Variants in PTPRD observed in about 807,000 individuals in gnomAD.
PTPRD encodes receptor-type tyrosine-protein phosphatase delta.
Under a neutral mutation model 214.5 loss-of-function variants are expected in PTPRD, and 34 were observed. The observed-to-expected ratio is 0.16, with a 90% CI of 0.12 to 0.21. PTPRD has a LOEUF of 0.21. Ranked by LOEUF, PTPRD falls within the 10% of genes least tolerant of loss-of-function variation. The pLI is 1.00. For missense variants in PTPRD, 2,545 were observed against 2,398.7 expected (o/e 1.06, Z -1.27); for synonymous variants, 1,128 against 845.7 (o/e 1.33, Z -5.79).
intron 14 of PTPRD, among the ~76,000 whole-genome samples, chr9:8,543,557 G>C (rs1166535475): frequency 6.6e-6 from 1 of 152,094 alleles, no homozygotes; most frequent in African/African-American, 2.4e-5. Context: ...TGTTAATAAA[G>C]ATAAAATACT....
At chr9:9,469,864 G>T (rs577043361) in intron 8 of PTPRD, among the ~76,000 whole-genome samples, 9 of 152,224 alleles carry the variant, frequency 5.9e-5, no homozygotes, top group Admixed American at 3.9e-4. Flanking sequence ...GTCCAATGAG[G>T]GGTCAGAATA....
chr9:10,135,250 A>C (rs922610316), intron 3 of PTPRD, among the ~76,000 whole-genome samples: 9 of 152,168 alleles, frequency 5.9e-5, no homozygotes, highest in African/African-American at 2.2e-4. Flanking sequence ...AACCTAAGAC[A>C]AACTGGCATT....
rs1441689727 is a variant in PTPRD at position 8,493,028 on chromosome 9, C to T, written c.2350-49G>A. The T allele has an allele frequency of 2.7e-6, 4 of 1,480,090 alleles. 1 individual carries two copies. The highest frequency in any genetic ancestry group is 3.8e-4 in the Middle Eastern group (2 of 5,316). 91.7% of individuals were successfully genotyped at this position (1,480,090 alleles called of 1,614,324 possible). ...ACTGATTCAAAACATGCTACTAATG[C>T]TCTGGGGGAAAAACAAGGCCGTCTG... is the stretch of plus-strand genomic sequence containing the variant. On this transcript the variant is annotated intron_variant, in intron 26 of 45. Transcript: ENST00000381196.
intron 11 of PTPRD, among the ~76,000 whole-genome samples, chr9:8,801,616 T>G (rs2096572804): frequency 6.6e-6 from 1 of 152,180 alleles, no homozygotes; most frequent in African/African-American, 2.4e-5. Flanking sequence ...CTCAGGAGGC[T>G]GAGTCAGGAG....
chr9:9,957,165 T>C (rs1189416805), intron 4 of PTPRD, among the ~76,000 whole-genome samples: 1 of 152,166 alleles, frequency 6.6e-6, no homozygotes, highest in Non-Finnish European at 1.5e-5. Context: ...TATATGTATG[T>C]ATATATAAAC....
At chr9:8,615,750 A>C (rs1169713787) in intron 14 of PTPRD, among the ~76,000 whole-genome samples, 1 of 152,086 alleles carries the variant, frequency 6.6e-6, no homozygotes, top group African/African-American at 2.4e-5. Flanking sequence ...AAAAGAAAAA[A>C]AAATTTTGAG....
chr9:8,902,092 G>A (rs1041590542), intron 11 of PTPRD, among the ~76,000 whole-genome samples: 1 of 151,932 alleles, frequency 6.6e-6, no homozygotes, highest in Non-Finnish European at 1.5e-5. Flanking sequence ...TTATTTATGA[G>A]TCTATTACTG....
In PTPRD at chr9:8,619,222, T is replaced by C. The variant is rs2095728045; in HGVS notation, c.352+14095A>G. Among the ~76,000 whole-genome samples the C allele has an allele frequency of 2.0e-5, 3 of 152,212 alleles. No individual in the cohort carries two copies. The South Asian group carries it at 6.2e-4, about 32-fold the overall frequency. Reference sequence around the variant, plus strand: ...TGTGTTTGAGAATACTTTGTACCCATTCTCTTAGCATCTTTCAAGAATACA... The same window carrying C: ...TGTGTTTGAGAATACTTTGTACCCACTCTCTTAGCATCTTTCAAGAATACA... On this transcript the variant is annotated intron_variant, in intron 14 of 45. Coordinates refer to ENST00000381196, the MANE Select transcript of PTPRD (RefSeq NM_002839.4).
intron 10 of PTPRD, among the ~76,000 whole-genome samples, chr9:9,073,481 C>A (rs533199939): frequency 6.6e-6 from 1 of 151,686 alleles, no homozygotes; most frequent in African/African-American, 2.4e-5. Context: ...TTTTCAGTTG[C>A]GATTAACATT....
At chr9:8,997,595 C>T (rs1055031167) in intron 11 of PTPRD, among the ~76,000 whole-genome samples, 3 of 151,964 alleles carry the variant, frequency 2.0e-5, no homozygotes, top group South Asian at 2.1e-4. Flanking sequence ...CCTCCCTGTT[C>T]GCTGAAACAC....
chr9:9,236,855 G>A (rs559246345), intron 9 of PTPRD, among the ~76,000 whole-genome samples: 228 of 152,100 alleles, frequency 1.5e-3, no homozygotes, highest in African/African-American at 5.2e-3. Flanking sequence ...ATTGACTACC[G>A]CCAGCTCTCA....
At chr9:9,783,858 A>G (rs1393570367) in intron 5 of PTPRD, among the ~76,000 whole-genome samples, 3 of 149,904 alleles carry the variant, frequency 2.0e-5, no homozygotes, top group African/African-American at 7.4e-5. Context: ...GGTTTGCTCA[A>G]GAGTAAAATG....
chr9:9,951,561 T>C (rs563797756), intron 4 of PTPRD, among the ~76,000 whole-genome samples: 1 of 152,220 alleles, frequency 6.6e-6, no homozygotes, highest in African/African-American at 2.4e-5. Context: ...CACCCCCCAA[T>C]GTTTCTGAGT....
chr9:8,491,733 G>A (rs1378363217), intron 27 of PTPRD, among the ~76,000 whole-genome samples: 2 of 151,864 alleles, frequency 1.3e-5, no homozygotes, highest in East Asian at 3.9e-4. Flanking sequence ...TGCTGTTTGA[G>A]GCAATTCCAG....
chr9:8,926,838 A>T (rs996619593), intron 11 of PTPRD, among the ~76,000 whole-genome samples: 1 of 152,220 alleles, frequency 6.6e-6, no homozygotes, highest in African/African-American at 2.4e-5. Flanking sequence ...TTCAACTTGT[A>T]AAGACTATTC....
intron 3 of PTPRD, among the ~76,000 whole-genome samples, chr9:10,310,503 G>C (rs936011423): frequency 6.6e-6 from 1 of 151,916 alleles, no homozygotes; most frequent in East Asian, 1.9e-4. Context: ...GAAGGTTTAG[G>C]AAAGAGGTTG....
At chr9:8,369,557 G>C (rs1433507447) in intron 39 of PTPRD, among the ~76,000 whole-genome samples, 1 of 151,364 alleles carries the variant, frequency 6.6e-6, no homozygotes, top group Non-Finnish European at 1.5e-5. Context: ...GTTCTGAAGA[G>C]TGGTTTGATT....
chr9:9,871,388 G>C (rs542675445), intron 5 of PTPRD, among the ~76,000 whole-genome samples: 197 of 152,242 alleles, frequency 1.3e-3, no homozygotes, highest in African/African-American at 4.3e-3. Flanking sequence ...CCTTGATGGA[G>C]CCTTGTCTAT....
chr9:8,318,717 A>G (rs1410749391), intron 45 of PTPRD, among the ~76,000 whole-genome samples: 1 of 152,038 alleles, frequency 6.6e-6, no homozygotes. Context: ...TGTTTTAGAG[A>G]GGCACACACT....
Sources: gnomAD v4.1 joint callset for allele counts (sites outside exome capture counted in the v4.1 genomes callset) on GRCh38, gnomAD v4.1.1 for gene constraint, MANE v1.5 for transcripts, NCBI Gene and HGNC (gene_info 2026-07-23, HGNC 2026-07-21) for gene names.